Variants in PKIB observed in about 807,000 individuals in gnomAD.
PKIB encodes PKI-beta.
Under a neutral mutation model 4.5 loss-of-function variants are expected in PKIB, and 2 were observed. The observed-to-expected ratio is 0.44, with a 90% confidence interval of 0.18 to 1.39. The LOEUF (loss-of-function observed/expected upper bound fraction) is 1.39, where lower values mean the gene tolerates loss of function less well. Ranked by LOEUF, PKIB falls within the 40% of genes most tolerant of loss-of-function variation. PKIB has a pLI of 0.27. For missense variants in PKIB, 94 were observed against 92.6 expected (o/e 1.02, Z -0.06); for synonymous variants, 38 against 36.0 (o/e 1.06, Z -0.20).
chr6:122,694,309 T>C (rs1778473998), intron 3 of PKIB, among the ~76,000 whole-genome samples: 1 of 152,198 alleles, frequency 6.6e-6, no homozygotes, highest in African/African-American at 2.4e-5. Context: ...GGAATCTGTA[T>C]TGCTAACAGA....
intron 2 of PKIB, among the ~76,000 whole-genome samples, chr6:122,654,472 T>A (rs1385370523): frequency 6.6e-6 from 1 of 152,210 alleles, no homozygotes; most frequent in Non-Finnish European, 1.5e-5. Context: ...ATATCTTACA[T>A]GCTAAAGGTA....
intron 3 of PKIB, among the ~76,000 whole-genome samples, chr6:122,677,977 G>A (rs1167280779): frequency 6.6e-6 from 1 of 151,280 alleles, no homozygotes; most frequent in East Asian, 1.9e-4. Context: ...GCGAGATCTC[G>A]GCTCACTGCA....
upstream of PKIB, among the ~76,000 whole-genome samples, chr6:122,609,245 G>A (rs1257502487): frequency 1.3e-5 from 2 of 152,196 alleles, no homozygotes; most frequent in African/African-American, 4.8e-5. Flanking sequence ...ATTTAAGGAA[G>A]TCAATCAATC....
In PKIB at chr6:122,521,476, C is replaced by T. The variant is rs548693540; in HGVS notation, c.-248+43537C>T. 6.5e-4 allele frequency among the ~76,000 whole-genome samples: 99 copies of T among 152,014 alleles called. 1 individual carries two copies. The highest frequency in any genetic ancestry group is 2.1e-3 in the African/African-American group (89 of 41,440). On this transcript the variant is annotated intron_variant, in intron 2 of 6. Transcript: ENST00000392491. ...CAGGCAGATCACGAGGTCAGGAGAT[C>T]GAGACCATCCTGGCTAACACGGTGA...
At chr6:122,683,467 C>G (rs1340262847) in intron 3 of PKIB, among the ~76,000 whole-genome samples, 4 of 152,122 alleles carry the variant, frequency 2.6e-5, no homozygotes, top group African/African-American at 9.7e-5. Flanking sequence ...CCCCCATGAT[C>G]CAAACACCTT....
At chr6:122,548,017 A>G (rs1404593496) in intron 2 of PKIB, among the ~76,000 whole-genome samples, 2 of 149,838 alleles carry the variant, frequency 1.3e-5, no homozygotes, top group South Asian at 2.1e-4. Flanking sequence ...GGTTATACAC[A>G]TAAACTTTGG....
chr6:122,471,928 C>A (rs3752576), upstream of PKIB: 197,231 of 1,312,412 alleles, frequency 0.15, 15,532 homozygotes, highest in East Asian at 0.18. Flanking sequence ...ACTGCGCATG[C>A]GCGTCACTAG....
intron 2 of PKIB, among the ~76,000 whole-genome samples, chr6:122,564,613 A>G (rs1045386995): frequency 6.6e-6 from 1 of 152,220 alleles, no homozygotes; most frequent in African/African-American, 2.4e-5. Context: ...ATTAATAAAC[A>G]GTGGTTTTAC....
At chr6:122,509,834 G>T (rs183581357) in intron 2 of PKIB, among the ~76,000 whole-genome samples, 1 of 152,044 alleles carries the variant, frequency 6.6e-6, no homozygotes, top group Admixed American at 6.5e-5. Context: ...ACCCCCATTG[G>T]GTAGTGGGAA....
At chr6:122,705,539 C>T (rs1364994211) in intron 3 of PKIB, among the ~76,000 whole-genome samples, 1 of 147,394 alleles carries the variant, frequency 6.8e-6, no homozygotes, top group African/African-American at 2.5e-5. Context: ...TCCTTGACAT[C>T]TGTCTCTATT....
chr6:122,531,256 T>C (rs1338358413), intron 2 of PKIB: 1 of 152,186 alleles, frequency 6.6e-6, no homozygotes, highest in East Asian at 1.9e-4. Flanking sequence ...TGCCCCGTCA[T>C]GTCCACATGT....
chr6:122,707,108 T>C (rs900099492), intron 3 of PKIB, among the ~76,000 whole-genome samples: 2 of 152,134 alleles, frequency 1.3e-5, no homozygotes, highest in East Asian at 3.8e-4. Context: ...ATTAACTTAA[T>C]TGCAGGTTAA....
At chr6:122,702,326 C>CTTTTTTTTTTTT (rs112095053) in intron 3 of PKIB, among the ~76,000 whole-genome samples, 1 of 97,266 alleles carries the variant, frequency 1.0e-5, no homozygotes, top group Non-Finnish European at 2.0e-5. Context: ...TTTAAAAAAA[C>CTTTTTTTTTTTT]TTTTTTTTTT....
At chr6:122,503,921 C>T (rs149104817) in intron 2 of PKIB, among the ~76,000 whole-genome samples, 9 of 152,176 alleles carry the variant, frequency 5.9e-5, no homozygotes, top group Non-Finnish European at 8.8e-5. Context: ...TTTAGTCAAA[C>T]ATGTTCAACT....
At chr6:122,674,459 A>G (rs1777592366) in intron 2 of PKIB, among the ~76,000 whole-genome samples, 1 of 152,062 alleles carries the variant, frequency 6.6e-6, no homozygotes, top group African/African-American at 2.4e-5. Flanking sequence ...TACTCCCATT[A>G]TTTTTCACCC....
chr6:122,576,453 G>A (rs750467144), intron 2 of PKIB, among the ~76,000 whole-genome samples: 38 of 151,992 alleles, frequency 2.5e-4, no homozygotes, highest in Non-Finnish European at 5.4e-4. Context: ...CGGATCACGA[G>A]GTCAGGAGAT....
chr6:122,521,158 A>G (rs769071678), intron 2 of PKIB, among the ~76,000 whole-genome samples: 2 of 152,034 alleles, frequency 1.3e-5, no homozygotes, highest in Non-Finnish European at 2.9e-5. Context: ...TCTCATATGT[A>G]ATGGTTTTGC....
At chr6:122,487,541 C>T (rs1488548116) in intron 2 of PKIB, among the ~76,000 whole-genome samples, 1 of 152,110 alleles carries the variant, frequency 6.6e-6, no homozygotes, top group East Asian at 1.9e-4. Context: ...AAAAGAGACT[C>T]CAGAGAGCTA....
intron 3 of PKIB, among the ~76,000 whole-genome samples, chr6:122,677,719 C>G (rs901310396): frequency 6.6e-6 from 1 of 152,168 alleles, no homozygotes; most frequent in African/African-American, 2.4e-5. Context: ...CCAAGGCCCC[C>G]GGAGAAGACC....
Sources: allele counts gnomAD v4.1 joint callset (sites outside exome capture counted in the v4.1 genomes callset), GRCh38; gene constraint gnomAD v4.1.1; transcripts MANE v1.5; gene names NCBI Gene and HGNC (gene_info 2026-07-23, HGNC 2026-07-21).